PDE8B: variants seen among roughly 807,000 people sequenced by gnomAD.
PDE8B encodes the protein phosphodiesterase 8B.
Under a neutral mutation model 101.3 loss-of-function variants are expected in PDE8B, and 26 were observed. That is an observed-to-expected ratio of 0.26 (90% CI 0.19 to 0.36). PDE8B has a LOEUF of 0.36. Ranked by LOEUF, PDE8B falls within the 10% of genes least tolerant of loss-of-function variation. PDE8B has a pLI of 1.00. For synonymous variants in PDE8B, 424 were observed against 429.3 expected, an observed-to-expected ratio of 0.99 and a Z score of 0.15; for missense variants, 810 against 1,163.1, an observed-to-expected ratio of 0.70 and a Z score of 4.42.
the PDE8B span, among the ~76,000 whole-genome samples, chr5:77,149,938 A>C: frequency 3.9e-5 from 6 of 152,242 alleles, no homozygotes; most frequent in South Asian, 1.2e-3. Flanking sequence ...GGAAATGAAA[A>C]AAATTAAAAA....
At chr5:77,335,156 T>C (rs1777891033) in intron 5 of PDE8B, among the ~76,000 whole-genome samples, 1 of 152,228 alleles carries the variant, frequency 6.6e-6, no homozygotes, top group African/African-American at 2.4e-5. Flanking sequence ...TAGAAATGAC[T>C]GTGTATTATT....
At chr5:77,265,502 T>A (rs551136049) in intron 1 of PDE8B, among the ~76,000 whole-genome samples, 2 of 152,238 alleles carry the variant, frequency 1.3e-5, no homozygotes, top group Non-Finnish European at 2.9e-5. Flanking sequence ...CCTAATCTTA[T>A]GAGTTTTCTT....
intron 1 of PDE8B, among the ~76,000 whole-genome samples, chr5:77,304,967 G>T (rs1358715749): frequency 6.6e-6 from 1 of 152,158 alleles, no homozygotes; most frequent in East Asian, 1.9e-4. Flanking sequence ...CTGAGTCTTG[G>T]GTGGGTGTTG....
intron 1 of PDE8B, among the ~76,000 whole-genome samples, chr5:77,305,080 C>T (rs1314798738): frequency 2.6e-5 from 4 of 152,172 alleles, no homozygotes; most frequent in African/African-American, 9.7e-5. Context: ...TTGAAGTTAG[C>T]AACAGACAAG....
intron 1 of PDE8B, among the ~76,000 whole-genome samples, chr5:77,219,513 C>T (rs531195276): frequency 2.6e-5 from 4 of 152,180 alleles, no homozygotes; most frequent in South Asian, 2.1e-4. Flanking sequence ...ATTAAAGCTC[C>T]GGAACTGGAA....
At chr5:77,152,334 T>G in the PDE8B span, among the ~76,000 whole-genome samples, 2 of 152,190 alleles carry the variant, frequency 1.3e-5, no homozygotes, top group African/African-American at 2.4e-5. Flanking sequence ...ATGACATTTT[T>G]TATCAACTGA....
intron 17 of PDE8B, among the ~76,000 whole-genome samples, chr5:77,417,482 T>C (rs1252165749): frequency 6.6e-6 from 1 of 152,224 alleles, no homozygotes; most frequent in Admixed American, 6.5e-5. Flanking sequence ...TGGTAGGCAC[T>C]CAATAAATAA....
At chr5:77,285,668 T>TG (rs1180103164) in intron 1 of PDE8B, among the ~76,000 whole-genome samples, 1 of 151,990 alleles carries the variant, frequency 6.6e-6, no homozygotes. Flanking sequence ...TCCCATCTAT[T>TG]TTTTTCCCAA....
chr5:77,308,537 G>A (rs1771785788), intron 1 of PDE8B, among the ~76,000 whole-genome samples: 1 of 152,188 alleles, frequency 6.6e-6, no homozygotes, highest in Non-Finnish European at 1.5e-5. Context: ...CTTCCTGCTG[G>A]GTAGGTCAGA....
chr5:77,135,896 C>T, the PDE8B span, among the ~76,000 whole-genome samples: 7 of 152,214 alleles, frequency 4.6e-5, no homozygotes, highest in African/African-American at 1.7e-4. Context: ...GGATAACAGG[C>T]ATGAGCATTG....
chr5:77,277,777 G>A (rs1269241192), intron 1 of PDE8B, among the ~76,000 whole-genome samples: 2 of 152,098 alleles, frequency 1.3e-5, no homozygotes, highest in African/African-American at 4.8e-5. Flanking sequence ...TTCACAGTGA[G>A]ACACTAAAGA....
chr5:77,337,338 A>G (rs1312173741), intron 6 of PDE8B, 23 bp downstream of exon 6: 2 of 1,152,624 alleles, frequency 1.7e-6, no homozygotes, highest in South Asian at 2.5e-5. Flanking sequence ...ATGATACAGT[A>G]ACATGAGGTT....
At position 77,275,176 on chromosome 5, in the gene PDE8B, TAGTG is replaced by T. The variant is rs1475446937; in HGVS notation, c.340-36815_340-36812del. ...GGATTTGTGACCAGCCTGGACAAAATAGTGAGACCCCATCTTTTTTTAAAAAAGA... is the reference window on the plus strand; with the variant it reads ...GGATTTGTGACCAGCCTGGACAAAATAGACCCCATCTTTTTTTAAAAAAGA... On this transcript the variant is annotated intron_variant, in intron 1 of 21. Transcript: ENST00000264917. 2.0e-5 allele frequency among the ~76,000 whole-genome samples: 3 copies of T among 152,144 alleles called. No homozygotes were observed. The East Asian group carries it at 5.8e-4, about 29-fold the overall frequency.
chr5:77,350,968 C>G (rs950054319), intron 8 of PDE8B, 97 bp from the exon 9 acceptor site: 1 of 844,832 alleles, frequency 1.2e-6, no homozygotes, highest in Non-Finnish European at 2.0e-6. Context: ...GTAACGAGAG[C>G]ATGTGGGAAT....
intron 1 of PDE8B, among the ~76,000 whole-genome samples, chr5:77,251,758 T>C (rs1758119542): frequency 6.6e-6 from 1 of 152,246 alleles, no homozygotes; most frequent in Non-Finnish European, 1.5e-5. Context: ...TGTGGTTTAA[T>C]TCTCTGTTCA....
At chr5:77,155,153 T>C in the PDE8B span, among the ~76,000 whole-genome samples, 3 of 152,264 alleles carry the variant, frequency 2.0e-5, no homozygotes, top group East Asian at 1.9e-4. Context: ...CTCTCTCTCT[T>C]TTTCTCTCTT....
At chr5:77,087,541 G>A in the PDE8B span, 1 of 152,226 alleles carries the variant, frequency 6.6e-6, no homozygotes, top group Non-Finnish European at 1.5e-5. Context: ...AACCTAGGTT[G>A]GGACAGATGA....
intron 1 of PDE8B, among the ~76,000 whole-genome samples, chr5:77,278,523 G>T (rs1457979368): frequency 6.6e-6 from 1 of 152,110 alleles, no homozygotes; most frequent in Non-Finnish European, 1.5e-5. Context: ...TGGCTGGAGT[G>T]CAGTGGCGCG....
intron 1 of PDE8B, among the ~76,000 whole-genome samples, chr5:77,232,454 A>C (rs1753772435): frequency 6.6e-6 from 1 of 152,266 alleles, no homozygotes; most frequent in South Asian, 2.1e-4. Context: ...CTTGCCTTTA[A>C]ATCAAGTTAA....
Sources: gnomAD v4.1 joint callset for allele counts (sites outside exome capture counted in the v4.1 genomes callset) on GRCh38, gnomAD v4.1.1 for gene constraint, MANE v1.5 for transcripts, NCBI Gene and HGNC (gene_info 2026-07-23, HGNC 2026-07-21) for gene names.